The following KANK3 variants were observed in gnomAD, a reference collection of about 807,000 sequenced individuals.
KANK3 encodes KN motif and ankyrin repeat domains 3.
A neutral mutation model predicts 65.4 loss-of-function variants in KANK3; 61 were observed. That is an observed-to-expected ratio of 0.93 (90% CI 0.76 to 1.15). The LOEUF is 1.15. Ranked by LOEUF, KANK3 falls within the 50% of genes most tolerant of loss-of-function variation. The pLI is 0.00. For synonymous variants in KANK3, 586 were observed against 543.3 expected, an observed-to-expected ratio of 1.08 and a Z score of -1.09; for missense variants, 1,187 against 1,178.8, an observed-to-expected ratio of 1.01 and a Z score of -0.10.
In KANK3 at chr19:8,333,903, C is replaced by A. The variant is rs375936820; in HGVS notation, c.1634+7G>T. ...TCCTCTCCAAACAACTAGCGAGCGC[C>A]GCTCACCTCCCCTGTGCCACCTGCT... On this transcript the variant is annotated splice_region_variant and intron_variant, in intron 5 of 10. Coordinates refer to ENST00000330915, the MANE Select transcript of KANK3 (RefSeq NM_198471.3). The surrounding 1 kb of genome is among the most constrained non-coding windows in gnomAD (Gnocchi z 5.0). 29 of 1,577,418 alleles carry A rather than the reference C, an allele frequency of 1.8e-5. No homozygotes were observed. In the African/African-American group the frequency reaches 3.8e-4, roughly 21 times the overall value.
Position 8,334,014 on chromosome 19 carries a change from G to T in KANK3, c.1530C>A (p.Ser510Arg). 1 of 1,559,414 alleles carries T rather than the reference G, an allele frequency of 6.4e-7. No homozygotes were observed. The highest frequency in any genetic ancestry group is 8.6e-7 in the Non-Finnish European group (1 of 1,158,970). Residue 510 changes from serine to arginine, a missense_variant, in exon 5 of 11, where the codon AGC becomes AGA. Ser to Arg is a moderately radical substitution (Grantham distance 110). This residue lies in a region of KANK3 where 1,078 missense variants were observed against 1,038.2 expected (regional missense o/e 1.04). Coordinates refer to ENST00000330915, the MANE Select transcript of KANK3 (RefSeq NM_198471.3). ...GGGTGCCCGAGTCGGATCCCCCGCC[G>T]CTGTCATCCCCGGAGCCCGAGGAGC... ...PGSSSGSGDD[S>R]GGGSDSGTPG...
intron 1 of KANK3, among the ~76,000 whole-genome samples, chr19:8,340,015 A>T (rs1970703521): frequency 6.6e-6 from 1 of 150,612 alleles, no homozygotes; most frequent in South Asian, 2.1e-4. Context: ...GCACAGGAAC[A>T]TGGAGTGGGA....
At position 8,334,519 on chromosome 19, in the gene KANK3, G is replaced by C; in HGVS notation, c.1308C>G (p.Asp436Glu). The C allele has an allele frequency of 6.2e-7, 1 of 1,604,268 alleles. No individual in the cohort carries two copies. The highest frequency in any genetic ancestry group is 8.5e-7 in the Non-Finnish European group (1 of 1,179,596). ...ACTCACCCGCGGGCGCCACGGCCCT[G>C]TCTCCGTCCATGGATCCGGGCGAGC... ...QESSPGSMDG[D>E]RAVAPAGILK... Residue 436 changes from aspartate to glutamate, a missense_variant, in exon 3 of 11, where the codon GAC (aspartate) becomes GAG (glutamate). Around this residue, in one of 3 missense-constraint regions of KANK3, gnomAD observed 1,078 missense variants for 1,038.2 expected, o/e 1.04. Transcript: ENST00000330915.
chr19:8,339,368 T>G (rs1970693533), intron 1 of KANK3, among the ~76,000 whole-genome samples: 1 of 151,182 alleles, frequency 6.6e-6, no homozygotes, highest in Non-Finnish European at 1.5e-5. Flanking sequence ...TTTGTTTTTT[T>G]TTTTTTTTGA....
At chr19:8,325,134 C>T in intron 7 of KANK3, 38 bp from the exon 8 acceptor site, 1 of 1,576,220 alleles carries the variant, frequency 6.3e-7, no homozygotes, top group Non-Finnish European at 8.6e-7. Flanking sequence ...GAGATGCCAA[C>T]ACCGCGGCCC....
rs775887425 is a variant in KANK3, at chr19:8,334,042, C to T, written c.1502G>A (p.Gly501Asp). Reference protein sequence around the residue: ...DSENGGAEPPGSSSGSGDDSG... With the variant: ...DSENGGAEPPDSSSGSGDDSG... ...GTCATCCCCGGAGCCCGAGGAGCTACCCGGGGGCTCGGCGCCACCGTTCTC... is the reference window on the plus strand; with the variant it reads ...GTCATCCCCGGAGCCCGAGGAGCTATCCGGGGGCTCGGCGCCACCGTTCTC... The change falls in exon 5 of 11, where the codon GGT becomes GAT. Residue 501 changes from glycine to aspartate, a missense_variant. Physicochemically the swap from Gly to Asp is moderately conservative, Grantham distance 94. Around this residue, in one of 3 missense-constraint regions of KANK3, gnomAD observed 1,078 missense variants for 1,038.2 expected, o/e 1.04. Transcript: ENST00000330915. The T allele has an allele frequency of 6.8e-5, 105 of 1,543,790 alleles. No homozygotes were observed. Among genetic ancestry groups the T allele is most frequent in the Non-Finnish European group, 8.7e-5 (100 of 1,150,026 alleles).
At chr19:8,338,053 G>T (rs1157120661) in intron 1 of KANK3, 197 bp from the exon 2 acceptor site, 80 of 779,902 alleles carry the variant, frequency 1.0e-4, no homozygotes, top group Non-Finnish European at 1.2e-4. Context: ...ACAGAGTCTC[G>T]CTCTGTCACC....
chr19:8,327,795 T>C (rs1970455078), intron 7 of KANK3, among the ~76,000 whole-genome samples: 1 of 152,140 alleles, frequency 6.6e-6, no homozygotes, highest in Admixed American at 6.6e-5. Flanking sequence ...TGGGGGGACG[T>C]TCCCTGTTTG....
intron 2 of KANK3, among the ~76,000 whole-genome samples, chr19:8,336,828 A>G (rs1348924558): frequency 6.6e-6 from 1 of 151,566 alleles, no homozygotes; most frequent in Non-Finnish European, 1.5e-5. Context: ...AAAACAGCCC[A>G]TGGAAATACC....
intron 7 of KANK3, among the ~76,000 whole-genome samples, chr19:8,326,481 TAAAA>T (rs369948563): frequency 7.4e-4 from 88 of 119,480 alleles, no homozygotes; most frequent in African/African-American, 1.8e-3. Context: ...CCACCTGTTG[TAAAA>T]AAAAAAAAAA....
In KANK3 at chr19:8,324,693, C is replaced by T. The variant is rs2145410963; in HGVS notation, c.2220G>A (p.Gly740=). The T allele has an allele frequency of 6.2e-7, 1 of 1,614,048 alleles. No individual in the cohort carries two copies. The highest frequency in any genetic ancestry group is 2.2e-5 in the East Asian group (1 of 44,896). The stretch of plus-strand genomic sequence containing the variant: ...GCAGCAGCCGCACGGTGTCCAGGCG[C>T]CCATACTCACTGGCACACATCAGCG... The part of the protein sequence containing the change: ...ATALMCASEY[G]RLDTVRLLLT... Residue 740 remains glycine (G), a synonymous_variant, in exon 9 of 11, where the codon GGG becomes GGA. Transcript: ENST00000330915.
Position 8,324,770 on chromosome 19 carries a change from G to A in KANK3, c.2143C>T (p.Leu715=), listed in dbSNP as rs1357158693. 5 of 1,613,946 alleles carry A rather than the reference G, an allele frequency of 3.1e-6. No homozygotes were observed. Among genetic ancestry groups the A allele is most frequent in the Non-Finnish European group, 4.2e-6 (5 of 1,180,044 alleles). ...SHGRQDMVAT[L]LACGADVNAQ... ...TTCACATCAGCCCCACACGCCAGTA[G>A]GGTTGCCACCATGTCCTGTCGGCCA... Residue 715 remains leucine (L), a synonymous_variant, in exon 9 of 11, where the codon CTA becomes TTA. Transcript: ENST00000330915.
intron 7 of KANK3, 27 bp downstream of exon 7, chr19:8,332,987 T>TGGGCCCCCCC: frequency 2.0e-5 from 8 of 395,184 alleles, no homozygotes; most frequent in East Asian, 6.5e-5. Flanking sequence ...TTTCCTGGTG[T>TGGGCCCCCCC]CCCACCCACC....
At chr19:8,332,986 G>GGGGGGGGC in intron 7 of KANK3, 28 bp downstream of exon 7, 3 of 543,818 alleles carry the variant, frequency 5.5e-6, no homozygotes, top group Non-Finnish European at 7.0e-6. Context: ...ATTTCCTGGT[G>GGGGGGGGC]TCCCACCCAC....
chr19:8,328,565 G>A (rs1488350103), intron 7 of KANK3, among the ~76,000 whole-genome samples: 1 of 152,068 alleles, frequency 6.6e-6, no homozygotes, highest in African/African-American at 2.4e-5. Context: ...TCCACAACAG[G>A]CTGAAGGAGG....
chr19:8,328,824 C>T (rs1326476701), intron 7 of KANK3, among the ~76,000 whole-genome samples: 1 of 151,918 alleles, frequency 6.6e-6, no homozygotes, highest in Non-Finnish European at 1.5e-5. Context: ...GAGTCAAGGT[C>T]AAGGAAGGAG....
chr19:8,338,790 GCGTGAACC>G (rs1970683219), intron 1 of KANK3, among the ~76,000 whole-genome samples: 3 of 150,194 alleles, frequency 2.0e-5, no homozygotes, highest in Non-Finnish European at 4.4e-5. Flanking sequence ...CAGGAGAATG[GCGTGAACC>G]CGGGAGGCGG....
chr19:8,323,136 C>T (rs1970353157), intron 10 of KANK3: 2 of 408,052 alleles, frequency 4.9e-6, no homozygotes, highest in Non-Finnish European at 8.8e-6. Flanking sequence ...CCTCAGTTTA[C>T]AATGGGTTAC....
Position 8,333,798 on chromosome 19 carries a change from T to A in KANK3, c.1645A>T (p.Ser549Cys). 6.5e-7 allele frequency: 1 copy of A among 1,531,932 alleles called. No homozygotes were observed. Among genetic ancestry groups the A allele is most frequent in the Non-Finnish European group, 8.8e-7 (1 of 1,136,432 alleles). The allele number at this position is 1,531,932 out of a possible 1,614,324, so 94.9% of individuals were successfully genotyped here. ...ACGCACGCCTCCCTCAGACGCGGGC[T>A]CAGCTCGCACCTGCAGAGGAGGCCA... is the stretch of plus-strand genomic sequence containing the variant. The part of the protein sequence containing the change: ...QQVAQGRCEL[S>C]PRLREACVAL... Residue 549 changes from serine (S) to cysteine (C), a missense_variant, in exon 6 of 11, where the codon AGC (serine) becomes TGC (cysteine). Transcript: ENST00000330915. This position sits in a 1 kb window ranked among gnomAD's most constrained non-coding sequence, Gnocchi z 5.0.
Sources: gnomAD v4.1 joint callset for allele counts (sites outside exome capture counted in the v4.1 genomes callset) on GRCh38, gnomAD v4.1.1 for gene constraint, gnomAD v4.1.1 regional missense constraint, Gnocchi (gnomAD v3.1) non-coding constraint, MANE v1.5 for transcripts, NCBI Gene and HGNC (gene_info 2026-07-23, HGNC 2026-07-21) for gene names.